PCNT: variants seen among roughly 807,000 people sequenced by gnomAD.
PCNT encodes pericentrin.
Under a neutral mutation model 380.4 loss-of-function variants are expected in PCNT, and 319 were observed. The observed-to-expected ratio is 0.84, with a 90% CI of 0.77 to 0.92. The LOEUF is 0.92. Among genes scored for constraint, PCNT ranks in the 40% least tolerant of loss-of-function variants. The pLI is 0.00. For synonymous variants in PCNT, 1,845 were observed against 1,735.2 expected (o/e 1.06, Z -1.57); for missense variants, 4,400 against 4,255.3 (o/e 1.03, Z -0.95).
In PCNT at chr21:46,402,473, C is replaced by T. The variant is rs768063203; in HGVS notation, c.5105C>T (p.Thr1702Met). 7.4e-6 allele frequency: 12 copies of T among 1,613,856 alleles called. No homozygotes were observed. The East Asian group carries it at 1.3e-4, about 18-fold the overall frequency. Residue 1702 changes from threonine (T) to methionine (M), a missense_variant, in exon 27 of 47, where the codon ACG becomes ATG. Coordinates refer to ENST00000359568, the MANE Select transcript of PCNT (RefSeq NM_006031.6). ...VSLRELEEEN[T>M]SLKVIYTRSS... ...CTCAGAGAACTTGAGGAAGAGAACA[C>T]GAGCTTGAAGGTAAGCTACCAAAGG...
At chr21:46,438,102 C>CACAGTATGACAAAAA (rs1280755937) in intron 40 of PCNT, 62 bp from the exon 41 acceptor site, 20 of 1,325,270 alleles carry the variant, frequency 1.5e-5, no homozygotes, top group Non-Finnish European at 2.1e-5. Context: ...TGACAAAAAA[C>CACAGTATGACAAAAA]ACAAGTAATG....
At chr21:46,421,867 TG>T in intron 31 of PCNT, 102 bp from the exon 32 acceptor site, 1 of 1,279,412 alleles carries the variant, frequency 7.8e-7, no homozygotes, top group Non-Finnish European at 1.1e-6. Context: ...TGGTTGTCGC[TG>T]GGGACTGCGG....
chr21:46,366,617 A>G lies in PCNT; in HGVS notation c.2643A>G (p.Lys881=), dbSNP rs768621574. Residue 881 remains lysine (K), a synonymous_variant, in exon 15 of 47, where the codon AAA becomes AAG. Transcript: ENST00000359568. ...FLEERKEITE[K]FSAEQDAFLQ... is the part of the protein sequence containing the mutation. ...AGGAACGTAAAGAGATCACCGAGAA[A>G]TTCAGTGCGGAACAAGATGCCTTCC... 1.9e-6 allele frequency: 3 copies of G among 1,614,102 alleles called. No homozygotes were observed. The highest frequency in any genetic ancestry group is 2.2e-5 in the South Asian group (2 of 91,072).
chr21:46,428,276 C>G, intron 34 of PCNT, 119 bp from the exon 35 acceptor site: 1 of 898,858 alleles, frequency 1.1e-6, no homozygotes, highest in Non-Finnish European at 1.8e-6. Flanking sequence ...TACTGTGCAC[C>G]CATCCCAGAC....
chr21:46,374,257 C>G (rs986738920), intron 15 of PCNT, among the ~76,000 whole-genome samples: 1 of 152,106 alleles, frequency 6.6e-6, no homozygotes, highest in African/African-American at 2.4e-5. Flanking sequence ...GAAGCAAATC[C>G]AAGACACCAT....
At chr21:46,435,787 C>G in intron 38 of PCNT, 117 bp from the exon 39 acceptor site, 2 of 1,137,590 alleles carry the variant, frequency 1.8e-6, no homozygotes, top group Admixed American at 3.6e-5. Flanking sequence ...CATGATCTGC[C>G]CGCCTCGGCC....
rs776232288 is a variant in PCNT at position 46,411,781 on chromosome 21, G to T, written c.5708G>T (p.Arg1903Leu). 7.5e-4 allele frequency: 1,197 copies of T among 1,602,752 alleles called. 3 individuals are homozygous for T. The highest frequency in any genetic ancestry group is 6.9e-4 in the Non-Finnish European group (815 of 1,177,126). The change falls in exon 28 of 47, where the codon CGC (arginine) becomes CTC (leucine). Residue 1903 changes from arginine to leucine, a missense_variant. By Grantham distance (102) the Arg-to-Leu change is moderately radical. Transcript: ENST00000359568. ...AVLLALARIRRALEQQPLAAG... is the reference protein window; with the variant it reads ...AVLLALARIRLALEQQPLAAG... ...CTGTTGGCCTTGGCCCGCATCCGCCGCGCCCTGGAGCAGCAGCCCCTGGCA... is the reference window on the plus strand; with the variant it reads ...CTGTTGGCCTTGGCCCGCATCCGCCTCGCCCTGGAGCAGCAGCCCCTGGCA...
intron 5 of PCNT, 108 bp from the exon 6 acceptor site, chr21:46,347,349 T>A: frequency 9.4e-7 from 1 of 1,062,854 alleles, no homozygotes. Context: ...AGCCCGTGAA[T>A]GCTGGCACGT....
chr21:46,389,513 G>A, intron 19 of PCNT, 82 bp downstream of exon 19: 1 of 1,149,338 alleles, frequency 8.7e-7, no homozygotes, highest in Non-Finnish European at 1.3e-6. Flanking sequence ...GTGGATGCCG[G>A]TGCCAACGAC....
intron 27 of PCNT, among the ~76,000 whole-genome samples, chr21:46,409,164 T>C (rs1162378429): frequency 1.3e-5 from 2 of 151,838 alleles, no homozygotes; most frequent in African/African-American, 2.4e-5. Flanking sequence ...CTCTTAACAG[T>C]ATGTTTTGCA....
intron 27 of PCNT, among the ~76,000 whole-genome samples, chr21:46,408,024 A>G (rs191649986): frequency 7.9e-5 from 12 of 152,268 alleles, no homozygotes; most frequent in Admixed American, 7.8e-4. Context: ...GACTTCGTGC[A>G]TAGTAAAATT....
Position 46,445,474 on chromosome 21 carries a change from C to T in PCNT, c.*147C>T, listed in dbSNP as rs1040103863. 1.1e-4 allele frequency: 80 copies of T among 748,134 alleles called. No individual in the cohort carries two copies. The highest frequency in any genetic ancestry group is 1.7e-4 in the Non-Finnish European group (68 of 407,964). The allele number at this position is 748,134 out of a possible 1,614,324, so 46.3% of individuals were successfully genotyped here. A position where few individuals can be genotyped will look rare whatever the true frequency, so the allele number is the denominator to read the frequency against. On this transcript the variant is annotated 3_prime_UTR_variant, in exon 47 of 47. Transcript: ENST00000359568. Reference sequence around the variant, plus strand: ...CCCCAGATGCCTTGAATTAAGTGTCCTCACCTTTATGCATGACTGCAAAGC... The same window carrying T: ...CCCCAGATGCCTTGAATTAAGTGTCTTCACCTTTATGCATGACTGCAAAGC...
At chr21:46,408,985 A>G (rs2086700435) in intron 27 of PCNT, among the ~76,000 whole-genome samples, 1 of 151,860 alleles carries the variant, frequency 6.6e-6, no homozygotes, top group Non-Finnish European at 1.5e-5. Context: ...CGGCTTCCCA[A>G]AGTACTGGGA....
intron 29 of PCNT, among the ~76,000 whole-genome samples, chr21:46,413,811 G>T (rs1016210357): frequency 6.6e-6 from 1 of 152,102 alleles, no homozygotes; most frequent in Non-Finnish European, 1.5e-5. Context: ...GGGGAAGGAG[G>T]TTGCACCTTG....
intron 27 of PCNT, among the ~76,000 whole-genome samples, chr21:46,404,926 C>T (rs1412021108): frequency 6.6e-6 from 1 of 152,088 alleles, no homozygotes; most frequent in Non-Finnish European, 1.5e-5. Flanking sequence ...CAAAGCAAGA[C>T]CCTGTCTCAA....
Position 46,366,808 on chromosome 21 carries a change from G to T in PCNT, c.2834G>T (p.Arg945Leu), listed in dbSNP as rs183691508. The change falls in exon 15 of 47, where the codon CGT becomes CTT. Residue 945 changes from arginine (R) to leucine (L), a missense_variant. Arg to Leu is a moderately radical substitution (Grantham distance 102). Transcript: ENST00000359568. ...AAGCAGGGGGCTCTGCTGGCTGCAC[G>T]TGTGGCCGAACTGCAGACAAAACAC... is the stretch of plus-strand genomic sequence containing the variant. Reference protein sequence around the residue: ...ESKQGALLAARVAELQTKHAA... With the variant: ...ESKQGALLAALVAELQTKHAA... 62 of 1,613,694 alleles carry T rather than the reference G, an allele frequency of 3.8e-5. No homozygotes were observed. The African/African-American group carries it at 6.4e-4, about 17-fold the overall frequency.
At position 46,346,912 on chromosome 21, in the gene PCNT, GCAGGCAGCAGCACGAGCTGGAGCTCCT is replaced by G; in HGVS notation, c.895_921del (p.Gln299_Arg307del). The G allele has an allele frequency of 1.2e-6, 2 of 1,602,010 alleles. No individual in the cohort carries two copies. Among genetic ancestry groups the G allele is most frequent in the Non-Finnish European group, 8.5e-7 (1 of 1,175,558 alleles). Reference sequence around the variant, plus strand: ...GCCCAGGAGCTGGCCCTGCTACAGAGCAGGCAGCAGCACGAGCTGGAGCTCCTCAGGGAGCAGCACGCACGGGAGAAG... The same window carrying G: ...GCCCAGGAGCTGGCCCTGCTACAGAGCAGGGAGCAGCACGCACGGGAGAAG... On this transcript the variant is annotated inframe_deletion, in exon 5 of 47. Coordinates refer to ENST00000359568, the MANE Select transcript of PCNT (RefSeq NM_006031.6).
At chr21:46,333,500 G>A (rs1382128837) in intron 2 of PCNT, among the ~76,000 whole-genome samples, 10 of 151,738 alleles carry the variant, frequency 6.6e-5, no homozygotes, top group Non-Finnish European at 1.2e-4. Context: ...CCAGCTACTC[G>A]GGAGGCTGAG....
rs777611896 is a variant in PCNT, at chr21:46,334,477, G to T, written c.348G>T (p.Gln116His). 2.5e-6 allele frequency: 4 copies of T among 1,614,230 alleles called. No homozygotes were observed. In the East Asian group the frequency reaches 8.9e-5, roughly 36 times the overall value. The change falls in exon 3 of 47, where the codon CAG (glutamine) becomes CAT (histidine). Residue 116 changes from glutamine (Q) to histidine (H), a missense_variant. By Grantham distance (24) the Gln-to-His change is conservative. Transcript: ENST00000359568. ...AAGTCAATGACCATCCTCCAGAGCAGTGTGGGATGTTCACAGTCAGTGACC... is the reference window on the plus strand; with the variant it reads ...AAGTCAATGACCATCCTCCAGAGCATTGTGGGATGTTCACAGTCAGTGACC... ...QKQVNDHPPE[Q>H]CGMFTVSDHP...
Sources: gnomAD v4.1 joint callset for allele counts (sites outside exome capture counted in the v4.1 genomes callset) on GRCh38, gnomAD v4.1.1 for gene constraint, MANE v1.5 for transcripts, NCBI Gene and HGNC (gene_info 2026-07-23, HGNC 2026-07-21) for gene names.